Variants in SH3YL1 observed in about 807,000 individuals in gnomAD.
SH3YL1 encodes SH3 and SYLF domain containing 1, also known as SH3 domain-containing YSC84-like protein 1.
Under a neutral mutation model 45.8 loss-of-function variants are expected in SH3YL1, and 41 were observed. The ratio of observed to expected loss-of-function variants is 0.89; its 90% CI spans 0.70 to 1.16. The LOEUF is 1.16. Ranked by LOEUF, SH3YL1 falls within the 50% of genes most tolerant of loss-of-function variation. The pLI, the probability that SH3YL1 is intolerant of heterozygous loss-of-function variation, is 0.00. For missense variants in SH3YL1, 389 were observed against 409.6 expected, an observed-to-expected ratio of 0.95 and a Z score of 0.43; for synonymous variants, 152 against 151.4, an observed-to-expected ratio of 1.00 and a Z score of -0.03.
intron 1 of SH3YL1, among the ~76,000 whole-genome samples, chr2:257,645 C>T (rs575261482): frequency 1.3e-5 from 2 of 152,290 alleles, no homozygotes; most frequent in African/African-American, 4.8e-5. Flanking sequence ...GTCACTTCCC[C>T]TTTTTTGGTC....
intron 4 of SH3YL1, among the ~76,000 whole-genome samples, chr2:235,693 G>T (rs1346357474): frequency 1.1e-5 from 1 of 95,120 alleles, no homozygotes. Context: ...GCATGGGCCA[G>T]GGGAGGCAGC....
In SH3YL1 at chr2:233,415, C is replaced by T. The variant is rs549749866; in HGVS notation, c.405-186G>A. 7.2e-5 allele frequency among the ~76,000 whole-genome samples: 11 copies of T among 152,184 alleles called. No individual in the cohort carries two copies. In the East Asian group the frequency reaches 9.6e-4, roughly 13 times the overall value. On this transcript the variant is annotated intron_variant, in intron 5 of 9. Transcript: ENST00000356150. The stretch of plus-strand genomic sequence containing the variant: ...AATGTGGCCTAGAGGAAAAACAGGC[C>T]GGGGGAAGAACATACATGAAATTAT...
intron 8 of SH3YL1, among the ~76,000 whole-genome samples, chr2:225,869 C>T (rs1252325041): frequency 2.6e-5 from 4 of 152,122 alleles, no homozygotes; most frequent in Admixed American, 6.5e-5. Flanking sequence ...TATTGAAAGA[C>T]ATAAAATCTC....
chr2:228,980 G>GT (rs772571024), intron 8 of SH3YL1, among the ~76,000 whole-genome samples: 11 of 152,310 alleles, frequency 7.2e-5, no homozygotes, highest in Admixed American at 3.3e-4. Flanking sequence ...GTTTCTACAT[G>GT]TAATCTCTCT....
At chr2:256,209 T>G (rs1006833388) in intron 1 of SH3YL1, 1 of 152,230 alleles carries the variant, frequency 6.6e-6, no homozygotes, top group Non-Finnish European at 1.5e-5. Flanking sequence ...TTACTCACCA[T>G]GAAATTACTG....
chr2:254,476 A>C (rs531164720), intron 1 of SH3YL1, among the ~76,000 whole-genome samples: 1 of 152,364 alleles, frequency 6.6e-6, no homozygotes, highest in South Asian at 2.1e-4. Flanking sequence ...ATTAGGAGGC[A>C]CATGCGTGAC....
intron 1 of SH3YL1, among the ~76,000 whole-genome samples, chr2:257,152 G>C (rs1374441813): frequency 6.6e-6 from 1 of 151,976 alleles, no homozygotes; most frequent in Admixed American, 6.6e-5. Flanking sequence ...GTTGGATGTA[G>C]AGCTTACAAA....
chr2:223,876 T>C (rs2103017930), intron 9 of SH3YL1, among the ~76,000 whole-genome samples: 1 of 152,218 alleles, frequency 6.6e-6, no homozygotes, highest in South Asian at 2.1e-4. Flanking sequence ...GGAAAAACAC[T>C]GGAGTGGGCT....
At chr2:233,713 A>C (rs537142328) in intron 5 of SH3YL1, among the ~76,000 whole-genome samples, 147 of 152,346 alleles carry the variant, frequency 9.6e-4, no homozygotes, top group African/African-American at 3.3e-3. Flanking sequence ...TTAATCCAAG[A>C]CTAGCATTTC....
intron 1 of SH3YL1, among the ~76,000 whole-genome samples, chr2:254,810 T>TG (rs1669243508): frequency 2.0e-5 from 3 of 152,208 alleles, no homozygotes; most frequent in Admixed American, 6.5e-5. Flanking sequence ...GTGAGACAAA[T>TG]GCATATCTGA....
Position 249,747 on chromosome 2 carries a change from C to G in SH3YL1, c.210G>C (p.Ala70=), listed in dbSNP as rs1056413860. 8.4e-6 allele frequency: 13 copies of G among 1,551,450 alleles called. No homozygotes were observed. In the Admixed American group the frequency reaches 1.6e-4, roughly 19 times the overall value. ...TARGGSGIVV[A]RLPDGKWSAP... is the part of the protein sequence containing the mutation. ...CCAACTTACTTCCATCTGGAAGGCG[C>G]GCCACTACAATCCCGCTGCCTCCTC... Residue 70 remains alanine (A), a synonymous_variant, in exon 3 of 10, where the codon GCG becomes GCC. Transcript: ENST00000356150.
At chr2:257,309 G>A (rs945892524) in intron 1 of SH3YL1, among the ~76,000 whole-genome samples, 25 of 152,078 alleles carry the variant, frequency 1.6e-4, no homozygotes, top group South Asian at 2.1e-4. Flanking sequence ...CTTTGCCAGC[G>A]ATTATGTCCA....
At chr2:252,253 C>A (rs886681779) in intron 2 of SH3YL1, among the ~76,000 whole-genome samples, 4 of 152,162 alleles carry the variant, frequency 2.6e-5, no homozygotes, top group Non-Finnish European at 5.9e-5. Context: ...TGATTAATGT[C>A]TTAAACCGCT....
chr2:230,990 G>A (rs370193158), intron 7 of SH3YL1, 33 bp downstream of exon 7: 1 of 1,606,746 alleles, frequency 6.2e-7, no homozygotes, highest in African/African-American at 1.3e-5. Flanking sequence ...GATTTTCTGA[G>A]AATACTGAGT....
At chr2:258,130 T>G (rs1003934932) in intron 1 of SH3YL1, among the ~76,000 whole-genome samples, 7 of 152,216 alleles carry the variant, frequency 4.6e-5, no homozygotes, top group African/African-American at 1.7e-4. Flanking sequence ...CCTTGGCTAT[T>G]TGGGCTCTTT....
upstream of SH3YL1, chr2:264,710 C>G: frequency 2.1e-6 from 1 of 465,404 alleles, no homozygotes; most frequent in South Asian, 2.9e-5. Context: ...AACCTGCAGC[C>G]CCGCCCCTGC....
intron 1 of SH3YL1, among the ~76,000 whole-genome samples, chr2:253,744 A>C (rs1669183384): frequency 6.6e-6 from 1 of 152,164 alleles, no homozygotes; most frequent in Admixed American, 6.5e-5. Flanking sequence ...ACTTGCTTTT[A>C]CTTTATGGAC....
chr2:257,078 C>T (rs534561957), intron 1 of SH3YL1, among the ~76,000 whole-genome samples: 5 of 151,960 alleles, frequency 3.3e-5, no homozygotes, highest in Non-Finnish European at 7.4e-5. Flanking sequence ...TATACTTTAA[C>T]GGAGTTGTTT....
intron 9 of SH3YL1, 25 bp from the exon 10 acceptor site, chr2:219,026 G>A (rs952783123): frequency 3.5e-5 from 55 of 1,586,802 alleles, no homozygotes; most frequent in Admixed American, 5.3e-5. Context: ...AAGTATTCAC[G>A]TTTATGTTCT....
Sources: gnomAD v4.1 joint callset for allele counts (sites outside exome capture counted in the v4.1 genomes callset) on GRCh38, gnomAD v4.1.1 for gene constraint, MANE v1.5 for transcripts, NCBI Gene and HGNC (gene_info 2026-07-23, HGNC 2026-07-21) for gene names.